LRPPRC: variants seen among roughly 807,000 people sequenced by gnomAD.
LRPPRC encodes leucine rich pentatricopeptide repeat containing.
LRPPRC carries 120 observed loss-of-function variants against 180.3 expected under a neutral mutation model. That is an observed-to-expected ratio of 0.67 (90% CI 0.57 to 0.77). The LOEUF is 0.77. Ranked by LOEUF, LRPPRC falls within the 30% of genes least tolerant of loss-of-function variation. The pLI is 0.00. For missense variants in LRPPRC, 2,012 were observed against 1,657.2 expected, an observed-to-expected ratio of 1.21 and a Z score of -3.72; for synonymous variants, 723 against 600.0, an observed-to-expected ratio of 1.21 and a Z score of -3.00.
chr2:43,941,307 G>A (rs1022307685), intron 23 of LRPPRC, among the ~76,000 whole-genome samples: 2 of 152,146 alleles, frequency 1.3e-5, no homozygotes, highest in African/African-American at 4.8e-5. Flanking sequence ...AACTGCTTCA[G>A]AATTACAACA....
intron 29 of LRPPRC, among the ~76,000 whole-genome samples, chr2:43,916,008 G>A (rs771794457): frequency 2.0e-5 from 3 of 152,026 alleles, no homozygotes; most frequent in Non-Finnish European, 4.4e-5. Flanking sequence ...CAAGTGATCT[G>A]CCCACCTTGG....
At chr2:43,990,407 G>A (rs751199545) in intron 1 of LRPPRC, among the ~76,000 whole-genome samples, 1 of 152,070 alleles carries the variant, frequency 6.6e-6, no homozygotes, top group Admixed American at 6.5e-5. Flanking sequence ...TGCAATACCA[G>A]TGTTGTTCCA....
chr2:43,941,748 T>G (rs2105073390), intron 23 of LRPPRC, among the ~76,000 whole-genome samples: 1 of 150,494 alleles, frequency 6.6e-6, no homozygotes, highest in Non-Finnish European at 1.5e-5. Flanking sequence ...TTTATTAGTC[T>G]CATGACTCTG....
intron 29 of LRPPRC, among the ~76,000 whole-genome samples, chr2:43,916,605 T>C (rs911808480): frequency 1.3e-5 from 2 of 152,178 alleles, no homozygotes; most frequent in Admixed American, 1.3e-4. Flanking sequence ...TTAATAAAAA[T>C]GTATGCCAAC....
intron 1 of LRPPRC, among the ~76,000 whole-genome samples, chr2:43,991,089 G>T (rs1195387737): frequency 6.6e-6 from 1 of 151,426 alleles, no homozygotes; most frequent in Non-Finnish European, 1.5e-5. Flanking sequence ...GAGTGCAGTG[G>T]CCTGATCTCT....
At chr2:43,971,511 AAT>A (rs1393126026) in intron 11 of LRPPRC, among the ~76,000 whole-genome samples, 12 of 148,590 alleles carry the variant, frequency 8.1e-5, no homozygotes, top group East Asian at 1.9e-4. Context: ...AAAAGAAAAA[AAT>A]ATATATATAT....
At chr2:43,905,923 TTG>T in intron 30 of LRPPRC, 143 bp from the exon 31 acceptor site, 1 of 707,960 alleles carries the variant, frequency 1.4e-6, no homozygotes. Context: ...GAGACAGCTT[TTG>T]TGTTATCCTG....
At chr2:43,932,844 A>G (rs182402528) in intron 25 of LRPPRC, among the ~76,000 whole-genome samples, 1 of 152,278 alleles carries the variant, frequency 6.6e-6, no homozygotes, top group East Asian at 1.9e-4. Flanking sequence ...GCAAAACAAG[A>G]AATCACTCTT....
intron 27 of LRPPRC, among the ~76,000 whole-genome samples, chr2:43,919,405 T>C (rs143998113): frequency 6.6e-6 from 1 of 152,320 alleles, no homozygotes; most frequent in East Asian, 1.9e-4. Context: ...CTACAAACCT[T>C]TTCACTTAGT....
At position 43,899,275 on chromosome 2, in the gene LRPPRC, A is replaced by G. The variant is rs769282403; in HGVS notation, c.3769T>C (p.Phe1257Leu). Residue 1257 changes from phenylalanine (F) to leucine (L), a missense_variant, in exon 34 of 38, where the codon TTT becomes CTT. Physicochemically the swap from Phe to Leu is conservative, Grantham distance 22. Coordinates refer to ENST00000260665, the MANE Select transcript of LRPPRC (RefSeq NM_133259.4). ...CCTGCATCCACAAGTTGAAGGAAAA[A>G]ATCAGTGACAGGTTTATAAATTGCA... ...QFAIYKPVTDFFLQLVDAGKV... is the reference protein window; with the variant it reads ...QFAIYKPVTDLFLQLVDAGKV... The G allele has an allele frequency of 6.2e-7, 1 of 1,614,168 alleles. No individual in the cohort carries two copies. Among genetic ancestry groups the G allele is most frequent in the East Asian group, 2.2e-5 (1 of 44,882 alleles).
chr2:43,895,076 T>G (rs1419129014), intron 35 of LRPPRC, among the ~76,000 whole-genome samples: 2 of 152,188 alleles, frequency 1.3e-5, no homozygotes, highest in African/African-American at 2.4e-5. Flanking sequence ...CACTGAAATT[T>G]TTACTTATTT....
intron 5 of LRPPRC, 92 bp from the exon 6 acceptor site, chr2:43,976,321 T>TGTTAAGTGGGG: frequency 1.4e-6 from 1 of 740,728 alleles, no homozygotes; most frequent in Admixed American, 2.0e-5. Flanking sequence ...TACTTTTGTT[T>TGTTAAGTGGGG]TTAAAATATA....
chr2:43,947,759 A>C lies in LRPPRC; in HGVS notation c.1937T>G (p.Val646Gly), dbSNP rs765389280. The C allele has an allele frequency of 6.3e-7, 1 of 1,589,898 alleles. No individual in the cohort carries two copies. The highest frequency in any genetic ancestry group is 8.6e-7 in the Non-Finnish European group (1 of 1,158,196). Residue 646 changes from valine (V) to glycine (G), a missense_variant, in exon 19 of 38, where the codon GTT becomes GGT. Physicochemically the swap from Val to Gly is moderately radical, Grantham distance 109 (BLOSUM62 -3). Transcript: ENST00000260665. ...TTGAAAGTCTAAATTCTTACTCTCAACCAACAAGTGAGCATCCTAAAATTG... is the reference window on the plus strand; with the variant it reads ...TTGAAAGTCTAAATTCTTACTCTCACCCAACAAGTGAGCATCCTAAAATTG... ...PELIKDAHLL[V>G]ESKNLDFQKT...
intron 14 of LRPPRC, among the ~76,000 whole-genome samples, chr2:43,952,895 T>C (rs1263141219): frequency 6.6e-6 from 1 of 152,200 alleles, no homozygotes; most frequent in Non-Finnish European, 1.5e-5. Context: ...CTTAACTTCA[T>C]CATGTAAACC....
chr2:43,902,073 C>G (rs1670910123), intron 31 of LRPPRC: 1 of 156,042 alleles, frequency 6.4e-6, no homozygotes, highest in East Asian at 1.9e-4. Context: ...TTTTCCTGCA[C>G]TAAATTAAAA....
intron 11 of LRPPRC, among the ~76,000 whole-genome samples, chr2:43,965,376 C>T (rs1012401771): frequency 2.0e-5 from 3 of 152,062 alleles, no homozygotes; most frequent in Admixed American, 6.6e-5. Flanking sequence ...TTATCTTATA[C>T]AATACACAAA....
chr2:43,928,980 T>C (rs1047660987), intron 25 of LRPPRC, among the ~76,000 whole-genome samples: 1 of 152,204 alleles, frequency 6.6e-6, no homozygotes, highest in African/African-American at 2.4e-5. Context: ...GTATGTTACA[T>C]GTATTTAATA....
At chr2:43,899,445 T>G (rs752901847) in intron 33 of LRPPRC, 21 bp downstream of exon 33, 1 of 1,614,014 alleles carries the variant, frequency 6.2e-7, no homozygotes, top group Non-Finnish European at 8.5e-7. Flanking sequence ...GTGTGTTCTT[T>G]AGCACAAACA....
intron 25 of LRPPRC, among the ~76,000 whole-genome samples, chr2:43,930,209 G>A (rs1303348600): frequency 6.6e-6 from 1 of 151,458 alleles, no homozygotes; most frequent in Non-Finnish European, 1.5e-5. Context: ...GCTGCACCGT[G>A]ATGGAAAGGC....
Sources: gnomAD v4.1 joint callset for allele counts (sites outside exome capture counted in the v4.1 genomes callset) on GRCh38, gnomAD v4.1.1 for gene constraint, MANE v1.5 for transcripts, NCBI Gene and HGNC (gene_info 2026-07-23, HGNC 2026-07-21) for gene names.